GRB10: variants seen among roughly 807,000 people sequenced by gnomAD.
The protein encoded by GRB10 is growth factor receptor-bound protein 10.
In GRB10, 20 loss-of-function variants were observed where a neutral mutation model predicts 80.9. That is an observed-to-expected ratio of 0.25 (90% CI 0.17 to 0.36). The LOEUF is 0.36. GRB10 is among the 10% of genes least tolerant of loss of function. The pLI, the probability that GRB10 is intolerant of heterozygous loss-of-function variation, is 1.00. For missense variants in GRB10, 548 were observed against 747.7 expected (o/e 0.73, Z 3.12); for synonymous variants, 291 against 291.5 (o/e 1.00, Z 0.02).
At chr7:50,750,621 A>G (rs1037534066) in intron 3 of GRB10, among the ~76,000 whole-genome samples, 9 of 152,232 alleles carry the variant, frequency 5.9e-5, no homozygotes, top group African/African-American at 2.2e-4. Flanking sequence ...AGACAGAACT[A>G]TATAGATGAG....
chr7:50,598,481 G>C (rs964516029), intron 17 of GRB10, among the ~76,000 whole-genome samples: 1 of 152,184 alleles, frequency 6.6e-6, no homozygotes, highest in Admixed American at 6.5e-5. Flanking sequence ...AATGAACGAA[G>C]AGCCCCTTGT....
chr7:50,620,008 G>T (rs566870905), intron 8 of GRB10, among the ~76,000 whole-genome samples: 1 of 152,186 alleles, frequency 6.6e-6, no homozygotes, highest in Non-Finnish European at 1.5e-5. Context: ...GGGAAAAGTC[G>T]CTTCCCTCAC....
Position 50,747,869 on chromosome 7 carries a change from G to A in GRB10, c.-47+8018C>T, listed in dbSNP as rs143351327. On this transcript the variant is annotated intron_variant, in intron 3 of 18. Coordinates refer to ENST00000401949, the MANE Select transcript of GRB10 (RefSeq NM_001350814.2). ...CTCCAGACATCGAGATAGGAAAGGC[G>A]TGGGAGATGATGAATGGGCAGGATG... is the stretch of plus-strand genomic sequence containing the variant. Among the ~76,000 whole-genome samples, 293 of 152,220 alleles carry A rather than the reference G, an allele frequency of 1.9e-3. 1 individual carries two copies. Among genetic ancestry groups the A allele is most frequent in the African/African-American group, 6.8e-3 (281 of 41,538 alleles).
intron 4 of GRB10, among the ~76,000 whole-genome samples, chr7:50,712,601 C>T (rs2066067676): frequency 6.6e-6 from 1 of 152,218 alleles, no homozygotes; most frequent in Admixed American, 6.5e-5. Flanking sequence ...TCACTAAAAT[C>T]ATACGGCCTA....
chr7:50,769,367 T>C (rs1238866700), intron 2 of GRB10, among the ~76,000 whole-genome samples: 1 of 152,260 alleles, frequency 6.6e-6, no homozygotes, highest in South Asian at 2.1e-4. Flanking sequence ...AGGTCGGGCT[T>C]CCCAGGAGGA....
At chr7:50,781,565 C>G (rs1450640462) in intron 1 of GRB10, 1 of 152,264 alleles carries the variant, frequency 6.6e-6, no homozygotes, top group Non-Finnish European at 1.5e-5. Flanking sequence ...CTTCCCCTCA[C>G]TGGGCTAGGA....
chr7:50,662,602 A>G (rs536954650), intron 7 of GRB10, among the ~76,000 whole-genome samples: 22 of 152,270 alleles, frequency 1.4e-4, no homozygotes, highest in African/African-American at 4.8e-4. Context: ...ATTGAGTACA[A>G]TTTCCTGCCT....
chr7:50,695,875 A>C (rs2153662171), intron 5 of GRB10, among the ~76,000 whole-genome samples: 1 of 152,338 alleles, frequency 6.6e-6, no homozygotes, highest in African/African-American at 2.4e-5. Flanking sequence ...GGTGAATAAA[A>C]ATCACCCATA....
chr7:50,646,696 T>C (rs1413898501), intron 7 of GRB10, among the ~76,000 whole-genome samples: 1 of 151,868 alleles, frequency 6.6e-6, no homozygotes, highest in Non-Finnish European at 1.5e-5. Context: ...AAGAGATGAG[T>C]GGGGGTAGAG....
intron 15 of GRB10, 67 bp from the exon 16 acceptor site, chr7:50,604,444 C>T: frequency 7.4e-7 from 1 of 1,355,782 alleles, no homozygotes; most frequent in Non-Finnish European, 1.1e-6. Context: ...CCAATATGTC[C>T]AAGCTCATGG....
intron 3 of GRB10, among the ~76,000 whole-genome samples, chr7:50,742,265 GCGCGCGCACACACACACACACACACA>G (rs753478569): frequency 1.9e-3 from 269 of 138,400 alleles, no homozygotes; most frequent in East Asian, 6.4e-3. Flanking sequence ...ACGCGCACGC[GCGCGCGCACACACACACACACACACA>G]CACACACACA....
intron 8 of GRB10, among the ~76,000 whole-genome samples, chr7:50,623,777 G>A (rs1215932663): frequency 6.6e-6 from 1 of 152,160 alleles, no homozygotes. Context: ...TATACAGGTT[G>A]AATATCCCTT....
upstream of GRB10, among the ~76,000 whole-genome samples, chr7:50,785,498 T>A (rs1229804236): frequency 6.6e-6 from 1 of 152,238 alleles, no homozygotes; most frequent in African/African-American, 2.4e-5. Flanking sequence ...GATGCAACCC[T>A]GGCCCATGGT....
Position 50,619,075 on chromosome 7 carries a change from T to A in GRB10, c.777+95A>T, listed in dbSNP as rs562438659. 9.5e-5 allele frequency: 72 copies of A among 757,924 alleles called. No individual in the cohort carries two copies. The Middle Eastern group carries it at 1.3e-3, about 13-fold the overall frequency. The allele number at this position is 757,924 out of a possible 1,614,324, so 46.9% of individuals were successfully genotyped here. A position where few individuals can be genotyped will look rare whatever the true frequency, so the allele number is the denominator to read the frequency against. On this transcript the variant is annotated intron_variant, in intron 9 of 18. Coordinates refer to ENST00000401949, the MANE Select transcript of GRB10 (RefSeq NM_001350814.2). ...TCAAACCCATATGCTACACCATGCC[T>A]CTCAGTCACTTTCTAATCTGATACT... is the stretch of plus-strand genomic sequence containing the variant.
At chr7:50,666,451 T>A (rs1221377988) in intron 7 of GRB10, among the ~76,000 whole-genome samples, 1 of 152,248 alleles carries the variant, frequency 6.6e-6, no homozygotes, top group East Asian at 1.9e-4. Flanking sequence ...CTTCCTTTCA[T>A]CAAGTCCCAT....
intron 16 of GRB10, 110 bp from the exon 17 acceptor site, chr7:50,604,195 C>T: frequency 7.7e-7 from 1 of 1,295,938 alleles, no homozygotes; most frequent in Non-Finnish European, 1.1e-6. Context: ...CCCCCAGCTA[C>T]AGCTTGTGTG....
chr7:50,618,236 A>G (rs1724329261), intron 9 of GRB10, 97 bp from the exon 10 acceptor site: 9 of 896,922 alleles, frequency 1.0e-5, no homozygotes. Context: ...TATTCCTACC[A>G]GTATAATTAC....
intron 3 of GRB10, among the ~76,000 whole-genome samples, chr7:50,744,344 G>T (rs2072456326): frequency 6.6e-6 from 1 of 152,186 alleles, no homozygotes; most frequent in Non-Finnish European, 1.5e-5. Context: ...TGCACCCTGG[G>T]AATATTGGCA....
At chr7:50,667,706 G>T (rs1452712424) in intron 7 of GRB10, among the ~76,000 whole-genome samples, 1 of 152,052 alleles carries the variant, frequency 6.6e-6, no homozygotes, top group Non-Finnish European at 1.5e-5. Flanking sequence ...TCTACAAGTA[G>T]TTCTAGTTCT....
Sources: allele counts gnomAD v4.1 joint callset (sites outside exome capture counted in the v4.1 genomes callset), GRCh38; gene constraint gnomAD v4.1.1; transcripts MANE v1.5; gene names NCBI Gene and HGNC (gene_info 2026-07-23, HGNC 2026-07-21).